EFR3A: variants seen among roughly 807,000 people sequenced by gnomAD.
EFR3A encodes EFR3 homolog A, also known as protein EFR3 homolog A.
In EFR3A, 76 loss-of-function variants were observed where a neutral mutation model predicts 104.4. The ratio of observed to expected loss-of-function variants is 0.73; its 90% CI spans 0.60 to 0.88. EFR3A has a LOEUF of 0.88. Ranked by LOEUF, EFR3A falls within the 40% of genes least tolerant of loss-of-function variation. The pLI is 0.00. For missense variants in EFR3A, 985 were observed against 1,012.5 expected, an observed-to-expected ratio of 0.97 and a Z score of 0.37; for synonymous variants, 330 against 330.0, an observed-to-expected ratio of 1.00 and a Z score of 0.00.
intron 18 of EFR3A, among the ~76,000 whole-genome samples, chr8:131,992,564 T>A (rs1821247127): frequency 6.6e-6 from 1 of 152,202 alleles, no homozygotes; most frequent in South Asian, 2.1e-4. Flanking sequence ...AGTTCATTAA[T>A]AACTGGTAGT....
chr8:131,982,734 G>A (rs1024020294), intron 14 of EFR3A, among the ~76,000 whole-genome samples: 3 of 152,062 alleles, frequency 2.0e-5, no homozygotes, highest in Non-Finnish European at 4.4e-5. Flanking sequence ...GTTTGTTAAT[G>A]ATGTTTAGAA....
intron 8 of EFR3A, among the ~76,000 whole-genome samples, chr8:131,964,623 A>G (rs1173858436): frequency 6.6e-6 from 1 of 152,242 alleles, no homozygotes; most frequent in Non-Finnish European, 1.5e-5. Context: ...AAGAATCAAT[A>G]TCATGAAAAT....
At chr8:131,944,459 T>C (rs1461633286) in intron 2 of EFR3A, among the ~76,000 whole-genome samples, 1 of 152,078 alleles carries the variant, frequency 6.6e-6, no homozygotes, top group Non-Finnish European at 1.5e-5. Context: ...CTATATCCCA[T>C]TCCCTATATA....
chr8:131,939,766 T>C (rs1048812701), intron 1 of EFR3A: 1 of 152,094 alleles, frequency 6.6e-6, no homozygotes, highest in Non-Finnish European at 1.5e-5. Context: ...TTAATACATA[T>C]TTGATTTTAA....
chr8:131,964,064 A>T (rs928090609), intron 8 of EFR3A, among the ~76,000 whole-genome samples: 1 of 152,220 alleles, frequency 6.6e-6, no homozygotes, highest in Non-Finnish European at 1.5e-5. Context: ...TATTGATGGG[A>T]CGTATCTCAA....
intron 5 of EFR3A, among the ~76,000 whole-genome samples, chr8:131,952,780 C>T: frequency 6.6e-6 from 1 of 152,166 alleles, no homozygotes; most frequent in East Asian, 1.9e-4. Flanking sequence ...ATTACTGCCA[C>T]CTCCCATTGT....
intron 8 of EFR3A, among the ~76,000 whole-genome samples, chr8:131,964,780 A>G (rs1392586618): frequency 6.6e-6 from 1 of 152,234 alleles, no homozygotes; most frequent in Non-Finnish European, 1.5e-5. Flanking sequence ...GCCAAAGAAC[A>G]AAGCTGGAGT....
chr8:132,001,407 A>G (rs1021721482), intron 19 of EFR3A, among the ~76,000 whole-genome samples: 11 of 152,218 alleles, frequency 7.2e-5, no homozygotes, highest in African/African-American at 2.7e-4. Context: ...AGCATTGTTT[A>G]CTTACAACAC....
intron 1 of EFR3A, among the ~76,000 whole-genome samples, chr8:131,934,174 CTT>C (rs1817758076): frequency 6.6e-6 from 1 of 152,184 alleles, no homozygotes; most frequent in Admixed American, 6.5e-5. Flanking sequence ...TCACCAAACT[CTT>C]TTCATGTTTT....
intron 22 of EFR3A, among the ~76,000 whole-genome samples, chr8:132,010,449 T>TATA (rs1326843233): frequency 1.6e-5 from 2 of 128,394 alleles, no homozygotes; most frequent in South Asian, 2.4e-4. Context: ...TATATATATA[T>TATA]AATGAAATAC....
chr8:131,991,500 G>C (rs113268516), intron 18 of EFR3A, among the ~76,000 whole-genome samples: 5,442 of 152,244 alleles, frequency 0.036, 191 homozygotes, highest in African/African-American at 0.092. Context: ...TAAACCTCTT[G>C]TTGAGTATCT....
At chr8:132,008,672 A>T (rs900628630) in intron 22 of EFR3A, among the ~76,000 whole-genome samples, 1 of 151,702 alleles carries the variant, frequency 6.6e-6, no homozygotes, top group African/African-American at 2.4e-5. Context: ...TTGCATGTGG[A>T]TGTATGTGTA....
intron 1 of EFR3A, 96 bp downstream of exon 1, chr8:131,904,418 G>T: frequency 1.8e-6 from 2 of 1,138,114 alleles, no homozygotes; most frequent in Non-Finnish European, 2.2e-6. Flanking sequence ...GGGAGGCTGG[G>T]CCGCGCTGAG....
chr8:131,943,208 A>C (rs560690107), intron 2 of EFR3A, among the ~76,000 whole-genome samples: 7 of 152,178 alleles, frequency 4.6e-5, no homozygotes, highest in African/African-American at 1.7e-4. Flanking sequence ...AAATAGCCAA[A>C]GTTGAAACAC....
In EFR3A at chr8:131,946,588, G is replaced by T. The variant is rs756136382; in HGVS notation, c.321G>T (p.Leu107=). ...GCTTTCTTCATATGGTGGCAAAGCT[G>T]CTGGAATCGGGGGAACCAAAGCTTC... is the stretch of plus-strand genomic sequence containing the variant. The part of the protein sequence containing the change: ...VESFLHMVAK[L]LESGEPKLQV... Residue 107 remains leucine, a synonymous_variant, in exon 4 of 23, where the codon CTG becomes CTT. Transcript: ENST00000254624. 1.7e-5 allele frequency: 27 copies of T among 1,605,608 alleles called. No homozygotes were observed. In the East Asian group the frequency reaches 2.3e-4, roughly 13 times the overall value.
intron 9 of EFR3A, among the ~76,000 whole-genome samples, chr8:131,969,591 G>T (rs527946777): frequency 1.3e-5 from 2 of 148,532 alleles, no homozygotes; most frequent in East Asian, 3.9e-4. Flanking sequence ...GGTTGAATCT[G>T]TGAATCCAGA....
chr8:132,005,640 G>A (rs911412085), intron 22 of EFR3A, among the ~76,000 whole-genome samples: 13 of 151,952 alleles, frequency 8.6e-5, no homozygotes, highest in African/African-American at 1.5e-4. Context: ...TTATTCTCAC[G>A]ATCGTCTCCT....
In EFR3A at chr8:131,941,562, A is replaced by G. The variant is rs528789505; in HGVS notation, c.87+987A>G. Among the ~76,000 whole-genome samples, 5 of 152,240 alleles carry G rather than the reference A, an allele frequency of 3.3e-5. No individual in the cohort carries two copies. In the South Asian group the frequency reaches 6.2e-4, roughly 19 times the overall value. On this transcript the variant is annotated intron_variant, in intron 2 of 22. Transcript: ENST00000254624. The stretch of plus-strand genomic sequence containing the variant: ...TTTGTGGCATATTAAAAACCCTAAG[A>G]TATGGTACTGCCTTGAAGGACCTTT...
chr8:131,965,645 C>T (rs1010406870), intron 8 of EFR3A, among the ~76,000 whole-genome samples: 3 of 152,194 alleles, frequency 2.0e-5, no homozygotes, highest in Non-Finnish European at 4.4e-5. Flanking sequence ...TTGTGGAAGG[C>T]AGTGTGGCAA....
Sources: allele counts gnomAD v4.1 joint callset (sites outside exome capture counted in the v4.1 genomes callset), GRCh38; gene constraint gnomAD v4.1.1; transcripts MANE v1.5; gene names NCBI Gene and HGNC (gene_info 2026-07-23, HGNC 2026-07-21).